Variants in ARL13A observed in about 807,000 individuals in gnomAD.
The protein encoded by ARL13A is ADP-ribosylation factor-like protein 13A.
Under a neutral mutation model 19.1 loss-of-function variants are expected in ARL13A, and 16 were observed. The observed-to-expected ratio is 0.84, with a 90% confidence interval of 0.57 to 1.27. ARL13A has a LOEUF of 1.27. Among genes scored for constraint, ARL13A ranks in the 50% most tolerant of loss-of-function variants. The pLI is 0.00. For missense variants in ARL13A, 153 were observed against 186.4 expected (o/e 0.82, Z 1.04); for synonymous variants, 69 against 71.3 (o/e 0.97, Z 0.17).
intron 3 of ARL13A, 141 bp from the exon 4 acceptor site, chrX:100,985,526 T>C (rs1376814322): frequency 1.5e-6 from 1 of 676,065 alleles, no homozygotes; most frequent in South Asian, 3.7e-5. Flanking sequence ...ACTTTGTGAT[T>C]GCTTTTCCTC....
chrX:100,977,203 CACTT>C (rs981137131), intron 3 of ARL13A, among the ~76,000 whole-genome samples: 2 of 110,822 alleles, frequency 1.8e-5, no homozygotes, highest in African/African-American at 6.6e-5. Context: ...TGTACTCCCT[CACTT>C]ACTCTAAATG....
In ARL13A at chrX:100,985,821, C is replaced by A; in HGVS notation, c.285C>A (p.Val95=). 5 of 1,211,594 alleles carry A rather than the reference C, an allele frequency of 4.1e-6. No homozygotes were observed. Among genetic ancestry groups the A allele is most frequent in the Non-Finnish European group, 5.6e-6 (5 of 895,355 alleles). Residue 95 remains valine, a synonymous_variant, in exon 4 of 8, where the codon GTC becomes GTA. Transcript: ENST00000450049. ...CACAGGCCCATGGGCTTGTTTTCGT[C>A]CTGGATTCCAGTGACATAAGACGCA... The part of the protein sequence containing the change: ...YYAQAHGLVF[V]LDSSDIRRMQ...
intron 6 of ARL13A, 42 bp from the exon 7 acceptor site, chrX:100,988,151 G>A (rs776652657): frequency 8.4e-6 from 9 of 1,067,467 alleles, no homozygotes; most frequent in South Asian, 6.0e-5. Context: ...AGCTTGAAGT[G>A]TGTCCGTTTC....
intron 3 of ARL13A, among the ~76,000 whole-genome samples, chrX:100,977,359 C>G (rs1479646844): frequency 4.4e-5 from 4 of 90,865 alleles, no homozygotes; most frequent in Non-Finnish European, 8.3e-5. Context: ...AATTATCCTT[C>G]TACTCTCTTC....
intron 7 of ARL13A, 160 bp from the exon 8 acceptor site, chrX:100,990,402 A>G (rs1380869126): frequency 8.5e-6 from 8 of 941,127 alleles, no homozygotes; most frequent in African/African-American, 2.0e-5. Context: ...GAAACAGTTG[A>G]TATCCCTCCC....
rs1418577205 is a variant in ARL13A at position 100,987,275 on chromosome X, C to G, written c.487-115C>G. 2.8e-5 allele frequency: 21 copies of G among 749,176 alleles called. No individual in the cohort carries two copies. The Admixed American group carries it at 4.6e-4, about 16-fold the overall frequency. The allele number at this position is 749,176 out of a possible 1,213,427, so 61.7% of individuals were successfully genotyped here. A position where few individuals can be genotyped will look rare whatever the true frequency, so the allele number is the denominator to read the frequency against. ...GTCTCCTAGAAGTCTCAGAGCCTCT[C>G]TAGGCATAGCAGAGTTTATGTGTTC... On this transcript the variant is annotated intron_variant, in intron 5 of 7. Coordinates refer to ENST00000450049, the MANE Select transcript of ARL13A (RefSeq NM_001162491.2).
In ARL13A at chrX:100,985,738, T is replaced by C; in HGVS notation, c.202T>C (p.Ser68Pro). The change falls in exon 4 of 8, where the codon TCC (serine) becomes CCC (proline). Residue 68 changes from serine (S) to proline (P), a missense_variant. Transcript: ENST00000450049. ...ACTTTTGTTAGATGAGTATGAACTTTCCATCTATGACCTGAATGGAGACCT... is the reference window on the plus strand; with the variant it reads ...ACTTTTGTTAGATGAGTATGAACTTCCCATCTATGACCTGAATGGAGACCT... The part of the protein sequence containing the change: ...TTLLLDEYEL[S>P]IYDLNGDLKG... 8.3e-7 allele frequency: 1 copy of C among 1,210,992 alleles called. No homozygotes were observed. The highest frequency in any genetic ancestry group is 1.8e-5 in the South Asian group (1 of 56,934).
Position 100,986,900 on chromosome X carries a change from TAGTA to T in ARL13A, c.486+3_486+6del. On this transcript the variant is annotated splice_donor_variant and splice_donor_region_variant and coding_sequence_variant and intron_variant, in exon 5 of 8. Coordinates refer to ENST00000450049, the MANE Select transcript of ARL13A (RefSeq NM_001162491.2). LOFTEE classifies it high-confidence loss of function. ...AAAGAGAATAAGTGCCCATGCCGAG[TAGTA>T]AGTGTCAACCTCTTCCTTCCCTCTT... 2 of 1,160,481 alleles carry T rather than the reference TAGTA, an allele frequency of 1.7e-6. No homozygotes were observed. Among genetic ancestry groups the T allele is most frequent in the Middle Eastern group, 2.4e-4 (1 of 4,202 alleles).
rs1382409849 is a variant in ARL13A at position 100,990,600 on chromosome X, AGAGT to A, written c.*16_*19del. The A allele has an allele frequency of 1.7e-6, 2 of 1,155,802 alleles. No homozygotes were observed. Among genetic ancestry groups the A allele is most frequent in the Admixed American group, 5.2e-5 (2 of 38,358 alleles). On this transcript the variant is annotated 3_prime_UTR_variant, in exon 8 of 8. Coordinates refer to ENST00000450049, the MANE Select transcript of ARL13A (RefSeq NM_001162491.2). ...CCTATACTCACTGAGAGGCTCAAGAAGAGTGAGATGGCATCCATTGAGAATGAAG... is the reference window on the plus strand; with the variant it reads ...CCTATACTCACTGAGAGGCTCAAGAAGAGATGGCATCCATTGAGAATGAAG...
At chrX:100,979,928 C>G (rs963852245) in intron 3 of ARL13A, among the ~76,000 whole-genome samples, 29 of 111,171 alleles carry the variant, frequency 2.6e-4, no homozygotes, top group Non-Finnish European at 3.8e-4. Context: ...TGTTCTTTTC[C>G]CTTACTTTCT....
At chrX:100,989,098 C>T (rs1195293577) in intron 7 of ARL13A, among the ~76,000 whole-genome samples, 1 of 109,846 alleles carries the variant, frequency 9.1e-6, no homozygotes, top group Non-Finnish European at 1.9e-5. Flanking sequence ...ACTATGCATA[C>T]ATTAAAAAGG....
At chrX:100,989,592 G>A in intron 7 of ARL13A, among the ~76,000 whole-genome samples, 1 of 104,565 alleles carries the variant, frequency 9.6e-6, no homozygotes, top group East Asian at 3.0e-4. Flanking sequence ...CCTGGCAACA[G>A]AGCGGGACTC....
At chrX:100,975,415 G>C (rs1050731405) in intron 3 of ARL13A, among the ~76,000 whole-genome samples, 1 of 111,331 alleles carries the variant, frequency 9.0e-6, no homozygotes, top group African/African-American at 3.3e-5. Context: ...TCCACGCATC[G>C]CTCTGGCATG....
chrX:100,970,124 G>A (rs143518677), intron 1 of ARL13A, among the ~76,000 whole-genome samples: 3 of 112,537 alleles, frequency 2.7e-5, no homozygotes, highest in Non-Finnish European at 5.6e-5. Context: ...TTCTCCAAGG[G>A]AGATGGCTAT....
At chrX:100,984,069 CA>C (rs1264551710) in intron 3 of ARL13A, among the ~76,000 whole-genome samples, 1 of 109,731 alleles carries the variant, frequency 9.1e-6, no homozygotes, top group African/African-American at 3.3e-5. Flanking sequence ...GACTGGAACG[CA>C]TATAAAGGCT....
In ARL13A at chrX:100,987,376, C is replaced by T; in HGVS notation, c.487-14C>T. 1 of 1,208,347 alleles carries T rather than the reference C, an allele frequency of 8.3e-7. No individual in the cohort carries two copies. Among genetic ancestry groups the T allele is most frequent in the South Asian group, 1.8e-5 (1 of 56,633 alleles). ...GGCTCCAGGTCTGCAGCCTTCTCTT[C>T]TCTTTTGTCACAGGAGCCATGTTCA... is the stretch of plus-strand genomic sequence containing the variant. On this transcript the variant is annotated splice_polypyrimidine_tract_variant and intron_variant, in intron 5 of 7. Transcript: ENST00000450049.
At chrX:100,975,447 G>C (rs1203123943) in intron 3 of ARL13A, among the ~76,000 whole-genome samples, 1 of 111,189 alleles carries the variant, frequency 9.0e-6, no homozygotes, top group Non-Finnish European at 1.9e-5. Context: ...ACATCATCAG[G>C]CAATTGCAAG....
At chrX:100,974,227 G>A (rs766997676) in intron 3 of ARL13A, 30 bp downstream of exon 3, 6 of 1,081,851 alleles carry the variant, frequency 5.5e-6, no homozygotes, top group East Asian at 6.4e-5. Context: ...AGATACTGGC[G>A]TGGGTCTCCC....
Position 100,986,054 on chromosome X carries a change from C to T in ARL13A, c.380+138C>T, listed in dbSNP as rs1348736216. 1.5e-5 allele frequency: 11 copies of T among 740,592 alleles called. No individual in the cohort carries two copies. In the Admixed American group the frequency reaches 3.3e-4, roughly 22 times the overall value. The allele number at this position is 740,592 out of a possible 1,213,427, so 61.0% of individuals were successfully genotyped here. Reference sequence around the variant, plus strand: ...TTAGGCTCAGTGAGGTAGAGCGGCCCAATTTTCTGAGGTTTGTTCTCAAGA... The same window carrying T: ...TTAGGCTCAGTGAGGTAGAGCGGCCTAATTTTCTGAGGTTTGTTCTCAAGA... On this transcript the variant is annotated intron_variant, in intron 4 of 7. Transcript: ENST00000450049.
Sources: gnomAD v4.1 joint callset for allele counts (sites outside exome capture counted in the v4.1 genomes callset) on GRCh38, gnomAD v4.1.1 for gene constraint, MANE v1.5 for transcripts, NCBI Gene and HGNC (gene_info 2026-07-23, HGNC 2026-07-21) for gene names.